DNAH7: variants seen among roughly 807,000 people sequenced by gnomAD.
DNAH7 encodes dynein axonemal heavy chain 7, also known as axonemal beta dynein heavy chain 7.
A neutral mutation model predicts 444.6 loss-of-function variants in DNAH7; 397 were observed. The ratio of observed to expected loss-of-function variants is 0.89; its 90% CI spans 0.82 to 0.97. The LOEUF is 0.97. Ranked by LOEUF, DNAH7 falls within the 50% of genes least tolerant of loss-of-function variation. The pLI is 0.00. For synonymous variants in DNAH7, 1,636 were observed against 1,624.4 expected (o/e 1.01, Z -0.17); for missense variants, 4,902 against 4,800.8 (o/e 1.02, Z -0.62).
chr2:196,045,217 GAGA>G (rs1490988036), intron 5 of DNAH7, among the ~76,000 whole-genome samples: 2 of 147,466 alleles, frequency 1.4e-5, no homozygotes, highest in Non-Finnish European at 3.0e-5. Context: ...GGAGGAGGAG[GAGA>G]AGGAGAAGAA....
At chr2:195,781,629 T>C (rs1695380798) in intron 58 of DNAH7, among the ~76,000 whole-genome samples, 1 of 151,842 alleles carries the variant, frequency 6.6e-6, no homozygotes, top group African/African-American at 2.4e-5. Flanking sequence ...CAACTAGTAT[T>C]CATGGTTATA....
chr2:195,959,711 G>A (rs1209956517), intron 18 of DNAH7, among the ~76,000 whole-genome samples: 2 of 152,142 alleles, frequency 1.3e-5, no homozygotes, highest in Admixed American at 1.3e-4. Context: ...TTGACAGACA[G>A]CTAGGCTTAC....
intron 19 of DNAH7, among the ~76,000 whole-genome samples, chr2:195,941,219 C>T (rs947176275): frequency 3.9e-5 from 6 of 151,946 alleles, no homozygotes; most frequent in Non-Finnish European, 2.9e-5. Context: ...ATGTCCTTTG[C>T]GGGGACATAG....
chr2:195,796,745 C>CA lies in DNAH7; in HGVS notation c.10354-9dup. On this transcript the variant is annotated splice_polypyrimidine_tract_variant and intron_variant, in intron 55 of 64. Transcript: ENST00000312428. ...TTTTGATCCCCCATATCCCTGTGTA[C>CA]AAGAATAGTAGAGATGTTATTTAAA... 6.2e-7 allele frequency: 1 copy of CA among 1,609,236 alleles called. No individual in the cohort carries two copies. Among genetic ancestry groups the CA allele is most frequent in the Non-Finnish European group, 8.5e-7 (1 of 1,177,846 alleles).
At chr2:195,756,436 A>G in intron 61 of DNAH7, 151 bp from the exon 62 acceptor site, 1 of 674,060 alleles carries the variant, frequency 1.5e-6, no homozygotes, top group East Asian at 3.3e-5. Flanking sequence ...AAGTGAAGAT[A>G]TTTGTTTTTC....
At chr2:195,750,100 T>A (rs1470354211) in intron 63 of DNAH7, among the ~76,000 whole-genome samples, 1 of 152,206 alleles carries the variant, frequency 6.6e-6, no homozygotes, top group Non-Finnish European at 1.5e-5. Flanking sequence ...CAGTGCATGA[T>A]CTTGGAACAC....
intron 12 of DNAH7, chr2:195,995,321 C>A: frequency 5.9e-6 from 3 of 510,146 alleles, no homozygotes; most frequent in South Asian, 4.4e-5. Context: ...CTGCCTTGTT[C>A]AAATCCAAGA....
chr2:196,034,576 A>G (rs1575070326), intron 5 of DNAH7, among the ~76,000 whole-genome samples: 2 of 152,358 alleles, frequency 1.3e-5, no homozygotes, highest in Admixed American at 6.5e-5. Flanking sequence ...AAACACCCAA[A>G]ATAATTTTGA....
At chr2:195,874,938 C>T (rs570746619) in intron 38 of DNAH7, among the ~76,000 whole-genome samples, 17 of 152,200 alleles carry the variant, frequency 1.1e-4, no homozygotes, top group Admixed American at 3.3e-4. Flanking sequence ...GAGCAAATAC[C>T]GGAGAGATTC....
At chr2:195,748,291 C>A (rs1693553654) in intron 63 of DNAH7, among the ~76,000 whole-genome samples, 1 of 152,106 alleles carries the variant, frequency 6.6e-6, no homozygotes, top group African/African-American at 2.4e-5. Flanking sequence ...ACGTGAAGGA[C>A]CTCTTCAAGG....
intron 24 of DNAH7, among the ~76,000 whole-genome samples, chr2:195,916,475 C>T (rs946815831): frequency 2.7e-5 from 4 of 146,206 alleles, no homozygotes; most frequent in Admixed American, 6.8e-5. Flanking sequence ...GTCAGGCGAC[C>T]GTCAGGTGAT....
At chr2:196,050,383 G>A (rs1279723177) in intron 3 of DNAH7, among the ~76,000 whole-genome samples, 1 of 152,120 alleles carries the variant, frequency 6.6e-6, no homozygotes, top group Non-Finnish European at 1.5e-5. Flanking sequence ...CAGGGTTGCT[G>A]TTTAGTCAGA....
chr2:195,922,840 T>G (rs191860298), intron 23 of DNAH7, among the ~76,000 whole-genome samples: 297 of 152,148 alleles, frequency 2.0e-3, no homozygotes, highest in African/African-American at 6.8e-3. Context: ...TGTTTCTGGC[T>G]TCTTCAATTG....
intron 57 of DNAH7, 62 bp from the exon 58 acceptor site, chr2:195,787,233 A>T: frequency 1.3e-6 from 2 of 1,494,580 alleles, no homozygotes; most frequent in Non-Finnish European, 1.8e-6. Context: ...TATATTTACC[A>T]TATTTTAAAA....
intron 18 of DNAH7, among the ~76,000 whole-genome samples, chr2:195,960,032 C>T (rs1690973246): frequency 6.6e-6 from 1 of 152,030 alleles, no homozygotes; most frequent in African/African-American, 2.4e-5. Flanking sequence ...AAAGGATGAG[C>T]AATCGTCCAA....
intron 48 of DNAH7, among the ~76,000 whole-genome samples, chr2:195,826,057 G>A (rs1697730239): frequency 6.6e-6 from 1 of 152,080 alleles, no homozygotes; most frequent in Admixed American, 6.6e-5. Context: ...TTAATTTTCT[G>A]TTGTTTAGAT....
intron 61 of DNAH7, among the ~76,000 whole-genome samples, chr2:195,758,209 G>C (rs1261504065): frequency 6.6e-6 from 1 of 152,132 alleles, no homozygotes; most frequent in Non-Finnish European, 1.5e-5. Flanking sequence ...AACAATCACC[G>C]GTATTCTTAT....
chr2:195,979,472 A>G (rs1459624908), intron 15 of DNAH7, among the ~76,000 whole-genome samples: 2 of 152,162 alleles, frequency 1.3e-5, no homozygotes, highest in Non-Finnish European at 2.9e-5. Context: ...ACACAGCAAA[A>G]GCAGCACAAA....
chr2:195,980,914 G>A (rs1454815058), intron 15 of DNAH7, among the ~76,000 whole-genome samples: 1 of 151,946 alleles, frequency 6.6e-6, no homozygotes, highest in Non-Finnish European at 1.5e-5. Context: ...AAAACTGAAA[G>A]CCTTTCCTCT....
Sources: allele counts gnomAD v4.1 joint callset (sites outside exome capture counted in the v4.1 genomes callset), GRCh38; gene constraint gnomAD v4.1.1; transcripts MANE v1.5; gene names NCBI Gene and HGNC (gene_info 2026-07-23, HGNC 2026-07-21).